Variants in MAP4K5 observed in about 807,000 individuals in gnomAD.
MAP4K5 encodes the protein mitogen-activated protein kinase kinase kinase kinase 5.
In MAP4K5, 82 loss-of-function variants were observed where a neutral mutation model predicts 135.6. The observed-to-expected ratio is 0.60, with a 90% CI of 0.51 to 0.73. The LOEUF is 0.73. Among genes scored for constraint, MAP4K5 ranks in the 30% least tolerant of loss-of-function variants. MAP4K5 has a pLI of 0.00. For missense variants in MAP4K5, 907 were observed against 1,010.9 expected (o/e 0.90, Z 1.39); for synonymous variants, 347 against 335.0 (o/e 1.04, Z -0.39).
chr14:50,470,653 TACACACACACACACACAC>T (rs59377868), intron 9 of MAP4K5, among the ~76,000 whole-genome samples: 5 of 149,104 alleles, frequency 3.4e-5, no homozygotes, highest in Admixed American at 6.7e-5. Context: ...CATCCATTTT[TACACACACACACACACAC>T]ACACACACAC....
Position 50,476,252 on chromosome 14 carries a change from A to T in MAP4K5, c.426+7T>A. The T allele has an allele frequency of 6.7e-7, 1 of 1,501,066 alleles. No individual in the cohort carries two copies. The highest frequency in any genetic ancestry group is 9.0e-7 in the Non-Finnish European group (1 of 1,114,658). 93.0% of individuals were successfully genotyped at this position (1,501,066 alleles called of 1,614,324 possible). A position where few individuals can be genotyped will look rare whatever the true frequency, so the allele number is the denominator to read the frequency against. Reference sequence around the variant, plus strand: ...ATTGGCAATTTAAATGTATTAAATGAACTTACTTTGATATCTCTATGCATT... The same window carrying T: ...ATTGGCAATTTAAATGTATTAAATGTACTTACTTTGATATCTCTATGCATT... On this transcript the variant is annotated splice_region_variant and intron_variant, in intron 7 of 32. Coordinates refer to ENST00000682126, the MANE Select transcript of MAP4K5 (RefSeq NM_006575.6).
Position 50,431,104 on chromosome 14 carries a change from T to C in MAP4K5, c.2165-1844A>G, listed in dbSNP as rs183718712. On this transcript the variant is annotated intron_variant, in intron 28 of 32. Coordinates refer to ENST00000682126, the MANE Select transcript of MAP4K5 (RefSeq NM_006575.6). ...AGGAAATAGTGGAAATCAATATAAC[T>C]TAAAATGTTCTTTGGGTAAATATTT... is the stretch of plus-strand genomic sequence containing the variant. Among the ~76,000 whole-genome samples the C allele has an allele frequency of 9.2e-5, 14 of 152,328 alleles. No homozygotes were observed. The East Asian group carries it at 2.7e-3, about 29-fold the overall frequency.
At chr14:50,544,159 C>T (rs2038598843) in intron 1 of MAP4K5, among the ~76,000 whole-genome samples, 1 of 152,166 alleles carries the variant, frequency 6.6e-6, no homozygotes, top group African/African-American at 2.4e-5. Context: ...ACTGAAGCAA[C>T]CCAATGAAGA....
intron 14 of MAP4K5, chr14:50,449,661 T>C (rs924123565): frequency 1.3e-5 from 2 of 152,162 alleles, no homozygotes; most frequent in Admixed American, 6.5e-5. Flanking sequence ...AAAAACAGTA[T>C]GTCATAAATT....
chr14:50,519,748 T>C (rs758905327), intron 2 of MAP4K5, among the ~76,000 whole-genome samples: 7 of 152,158 alleles, frequency 4.6e-5, no homozygotes, highest in Admixed American at 2.0e-4. Flanking sequence ...AAAAGAAGGC[T>C]ATCTATGCCA....
At chr14:50,492,261 G>C (rs1029010204) in intron 3 of MAP4K5, among the ~76,000 whole-genome samples, 1 of 151,948 alleles carries the variant, frequency 6.6e-6, no homozygotes, top group Non-Finnish European at 1.5e-5. Flanking sequence ...AAAAGCACAG[G>C]TAACAAAAGC....
intron 1 of MAP4K5, among the ~76,000 whole-genome samples, chr14:50,555,493 A>C (rs528413488): frequency 6.6e-6 from 1 of 152,234 alleles, no homozygotes; most frequent in African/African-American, 2.4e-5. Flanking sequence ...CGTGTTGCCC[A>C]GGCTGGTTTG....
At chr14:50,535,206 A>G (rs2140138463), upstream of MAP4K5, among the ~76,000 whole-genome samples, 1 of 152,368 alleles carries the variant, frequency 6.6e-6, no homozygotes, top group Non-Finnish European at 1.5e-5. Flanking sequence ...GTTCTTCAGT[A>G]AAATGCTGAC....
intron 2 of MAP4K5, among the ~76,000 whole-genome samples, chr14:50,519,180 ATT>A (rs2038096313): frequency 6.6e-6 from 1 of 152,148 alleles, no homozygotes; most frequent in African/African-American, 2.4e-5. Context: ...GTTGTTATAT[ATT>A]GTTAAATTTA....
intron 2 of MAP4K5, among the ~76,000 whole-genome samples, chr14:50,531,007 C>T (rs983629490): frequency 6.6e-6 from 1 of 152,138 alleles, no homozygotes; most frequent in African/African-American, 2.4e-5. Context: ...TGGCACAATG[C>T]GATATATATC....
Position 50,434,464 on chromosome 14 carries a change from C to G in MAP4K5, c.2094G>C (p.Ser698=), listed in dbSNP as rs770835479. The change falls in exon 28 of 33, where the codon TCG becomes TCC. Residue 698 remains serine, a synonymous_variant. Transcript: ENST00000682126. ...VCVAISKGTE[S]NQVVQFETIN... ...TTGTCTCAAACTGAACTACCTGATT[C>G]GATTCAGTGCCTTTGCTAATAGCTA... 1 of 1,609,264 alleles carries G rather than the reference C, an allele frequency of 6.2e-7. No homozygotes were observed. The highest frequency in any genetic ancestry group is 1.3e-5 in the African/African-American group (1 of 74,974).
chr14:50,435,427 C>T (rs959901831), intron 26 of MAP4K5, among the ~76,000 whole-genome samples: 4 of 152,070 alleles, frequency 2.6e-5, no homozygotes, highest in African/African-American at 9.7e-5. Flanking sequence ...TGCAGTGGCA[C>T]AGTAATAGCT....
At chr14:50,520,038 G>A (rs2038115321) in intron 2 of MAP4K5, among the ~76,000 whole-genome samples, 1 of 152,214 alleles carries the variant, frequency 6.6e-6, no homozygotes, top group Non-Finnish European at 1.5e-5. Context: ...ACAAAGGGAT[G>A]CATGCATGTG....
chr14:50,518,513 T>C (rs933551789), intron 2 of MAP4K5, among the ~76,000 whole-genome samples: 8 of 152,170 alleles, frequency 5.3e-5, no homozygotes, highest in Non-Finnish European at 8.8e-5. Context: ...TTAATTTTTG[T>C]GGAGCAAGTT....
upstream of MAP4K5, among the ~76,000 whole-genome samples, chr14:50,535,780 T>C (rs962998927): frequency 2.0e-5 from 3 of 152,310 alleles, no homozygotes; most frequent in South Asian, 6.2e-4. Flanking sequence ...CCAGTTTGAA[T>C]TGATCATCAG....
chr14:50,521,176 G>A (rs1456409096), intron 2 of MAP4K5, among the ~76,000 whole-genome samples: 3 of 152,162 alleles, frequency 2.0e-5, no homozygotes, highest in African/African-American at 7.2e-5. Flanking sequence ...GGAAACATGA[G>A]GGTCAGAGTA....
chr14:50,525,562 A>C (rs550149288), intron 2 of MAP4K5, among the ~76,000 whole-genome samples: 1 of 152,334 alleles, frequency 6.6e-6, no homozygotes, highest in Non-Finnish European at 1.5e-5. Flanking sequence ...GTCCGGGCAC[A>C]GTGTACTCAC....
Position 50,442,751 on chromosome 14 carries a change from C to A in MAP4K5, c.1545G>T (p.Trp515Cys). The change falls in exon 21 of 33, where the codon TGG becomes TGT. Residue 515 changes from tryptophan (W) to cysteine (C), a missense_variant. By Grantham distance (215) the Trp-to-Cys change is radical. Around this residue, in one of 3 missense-constraint regions of MAP4K5, gnomAD observed 690 missense variants for 777.4 expected, o/e 0.89. Coordinates refer to ENST00000682126, the MANE Select transcript of MAP4K5 (RefSeq NM_006575.6). Reference protein sequence around the residue: ...CPLKINCATSWIHPDTKDQYI... With the variant: ...CPLKINCATSCIHPDTKDQYI... ...TTTTACCTTTTGTATCAGGATGTAT[C>A]CAGGATGTTGCACAATTAATTTTCA... 5 of 1,598,192 alleles carry A rather than the reference C, an allele frequency of 3.1e-6. No homozygotes were observed. In the Middle Eastern group the frequency reaches 6.6e-4, roughly 212 times the overall value.
intron 1 of MAP4K5, among the ~76,000 whole-genome samples, chr14:50,551,588 A>G (rs973133404): frequency 6.6e-6 from 1 of 152,120 alleles, no homozygotes; most frequent in Non-Finnish European, 1.5e-5. Context: ...AAAACTACAG[A>G]CCATTATCTC....
Sources: allele counts gnomAD v4.1 joint callset (sites outside exome capture counted in the v4.1 genomes callset), GRCh38; gene constraint gnomAD v4.1.1; regional missense constraint gnomAD v4.1.1; transcripts MANE v1.5; gene names NCBI Gene and HGNC (gene_info 2026-07-23, HGNC 2026-07-21).